The following LRP1B variants were observed in gnomAD, a reference collection of about 807,000 sequenced individuals.
LRP1B encodes the protein LDL receptor related protein 1B, also known as low-density lipoprotein receptor-related protein 1B.
LRP1B carries 217 observed loss-of-function variants against 556.6 expected under a neutral mutation model. The observed-to-expected ratio is 0.39, with a 90% confidence interval of 0.35 to 0.44. LRP1B has a LOEUF of 0.44. LRP1B is among the 20% of genes least tolerant of loss of function. The pLI is 1.00. For synonymous variants in LRP1B, 2,047 were observed against 1,865.8 expected, an observed-to-expected ratio of 1.10 and a Z score of -2.50; for missense variants, 5,053 against 5,620.8, an observed-to-expected ratio of 0.90 and a Z score of 3.23.
chr2:140,691,821 GTTAT>G (rs1169184904), intron 41 of LRP1B, among the ~76,000 whole-genome samples: 1 of 152,090 alleles, frequency 6.6e-6, no homozygotes, highest in Non-Finnish European at 1.5e-5. Context: ...TATTTTGAAA[GTTAT>G]TTATTTATAC....
At chr2:141,717,720 T>C (rs1300109016) in intron 2 of LRP1B, among the ~76,000 whole-genome samples, 1 of 152,236 alleles carries the variant, frequency 6.6e-6, no homozygotes, top group Non-Finnish European at 1.5e-5. Flanking sequence ...GACCTATCTG[T>C]ATATCATTAA....
At chr2:141,922,186 A>G (rs1485210765) in intron 1 of LRP1B, among the ~76,000 whole-genome samples, 1 of 152,204 alleles carries the variant, frequency 6.6e-6, no homozygotes, top group Non-Finnish European at 1.5e-5. Flanking sequence ...GCATGCATGA[A>G]AAAGTGTTTT....
chr2:142,064,448 C>A (rs1269787070), intron 1 of LRP1B, among the ~76,000 whole-genome samples: 1 of 151,504 alleles, frequency 6.6e-6, no homozygotes, highest in Non-Finnish European at 1.5e-5. Flanking sequence ...ATTATTCTAG[C>A]TCATTAGCTG....
At chr2:141,428,484 C>T (rs530876387) in intron 3 of LRP1B, among the ~76,000 whole-genome samples, 3 of 152,270 alleles carry the variant, frequency 2.0e-5, no homozygotes, top group African/African-American at 7.2e-5. Flanking sequence ...CTGGGTCTTC[C>T]TAAGTCATAT....
chr2:141,883,514 A>G (rs1699020316), intron 1 of LRP1B, among the ~76,000 whole-genome samples: 1 of 152,152 alleles, frequency 6.6e-6, no homozygotes, highest in South Asian at 2.1e-4. Context: ...AAGATGCTAA[A>G]TATTAAATGT....
At chr2:141,303,644 C>G (rs74653699) in intron 3 of LRP1B, among the ~76,000 whole-genome samples, 13 of 152,016 alleles carry the variant, frequency 8.6e-5, no homozygotes, top group African/African-American at 2.9e-4. Context: ...AAGATACACC[C>G]CATTTTCTTT....
At chr2:141,630,691 C>T (rs1429824689) in intron 2 of LRP1B, among the ~76,000 whole-genome samples, 1 of 152,148 alleles carries the variant, frequency 6.6e-6, no homozygotes, top group Non-Finnish European at 1.5e-5. Context: ...AATGTAATCC[C>T]ATCCTAAATA....
chr2:140,323,298 C>T (rs780018694), intron 81 of LRP1B, among the ~76,000 whole-genome samples: 1 of 151,988 alleles, frequency 6.6e-6, no homozygotes, highest in Non-Finnish European at 1.5e-5. Flanking sequence ...GACTTACCCA[C>T]TCCTTTCTAG....
intron 1 of LRP1B, among the ~76,000 whole-genome samples, chr2:141,928,214 C>A (rs1221769408): frequency 6.6e-6 from 1 of 152,136 alleles, no homozygotes; most frequent in African/African-American, 2.4e-5. Context: ...AGGAAAGGAA[C>A]AATATTTAAA....
At chr2:141,430,357 T>C (rs1680518395) in intron 3 of LRP1B, among the ~76,000 whole-genome samples, 1 of 152,154 alleles carries the variant, frequency 6.6e-6, no homozygotes, top group Non-Finnish European at 1.5e-5. Flanking sequence ...TCATAAGACA[T>C]GTTCTCATCA....
intron 3 of LRP1B, among the ~76,000 whole-genome samples, chr2:141,378,786 A>G (rs1361794152): frequency 6.6e-6 from 1 of 152,206 alleles, no homozygotes; most frequent in Non-Finnish European, 1.5e-5. Flanking sequence ...GAAAGAATAC[A>G]TGAACTTTAA....
intron 3 of LRP1B, among the ~76,000 whole-genome samples, chr2:141,343,062 C>A (rs1688128912): frequency 6.6e-6 from 1 of 152,130 alleles, no homozygotes; most frequent in Non-Finnish European, 1.5e-5. Context: ...AGAGTGGGGG[C>A]CAATATTCAA....
chr2:141,941,831 G>A (rs1342169398), intron 1 of LRP1B, among the ~76,000 whole-genome samples: 1 of 152,142 alleles, frequency 6.6e-6, no homozygotes, highest in South Asian at 2.1e-4. Flanking sequence ...CACAATCACT[G>A]TGAACTTGGA....
At chr2:140,495,780 A>C (rs1200504115) in intron 55 of LRP1B, 32 bp from the exon 56 acceptor site, 1 of 1,549,052 alleles carries the variant, frequency 6.5e-7, no homozygotes, top group South Asian at 1.1e-5. Flanking sequence ...TAATCAATTC[A>C]TATCATTGTC....
chr2:140,877,651 A>C (rs952554595), intron 25 of LRP1B, among the ~76,000 whole-genome samples: 1 of 152,162 alleles, frequency 6.6e-6, no homozygotes, highest in African/African-American at 2.4e-5. Context: ...ACAGAGGCTA[A>C]TCAGAAACTC....
At chr2:141,482,154 TATC>T (rs1331582541) in intron 2 of LRP1B, among the ~76,000 whole-genome samples, 3 of 151,978 alleles carry the variant, frequency 2.0e-5, no homozygotes, top group Admixed American at 6.6e-5. Flanking sequence ...AAAACAAAAA[TATC>T]ATACAAGCAA....
chr2:141,346,211 A>T (rs1688252299), intron 3 of LRP1B, among the ~76,000 whole-genome samples: 1 of 151,924 alleles, frequency 6.6e-6, no homozygotes. Context: ...CAAATAGATG[A>T]TCCTAGTGAT....
At chr2:140,274,760 C>T (rs978617149) in intron 84 of LRP1B, among the ~76,000 whole-genome samples, 162 bp from the exon 85 acceptor site, 1 of 151,366 alleles carries the variant, frequency 6.6e-6, no homozygotes, top group Non-Finnish European at 1.5e-5. Context: ...TTTAATAATG[C>T]TATTGATTCT....
chr2:140,324,305 A>G (rs921639327), intron 80 of LRP1B, among the ~76,000 whole-genome samples: 1 of 152,032 alleles, frequency 6.6e-6, no homozygotes, highest in Non-Finnish European at 1.5e-5. Context: ...TCATTTAACC[A>G]TCTTTACCAT....
Sources: allele counts gnomAD v4.1 joint callset (sites outside exome capture counted in the v4.1 genomes callset), GRCh38; gene constraint gnomAD v4.1.1; transcripts MANE v1.5; gene names NCBI Gene and HGNC (gene_info 2026-07-23, HGNC 2026-07-21).